C8orf34: variants seen among roughly 807,000 people sequenced by gnomAD.
C8orf34 encodes uncharacterized protein C8orf34.
In C8orf34, 65 loss-of-function variants were observed where a neutral mutation model predicts 68.3. The ratio of observed to expected loss-of-function variants is 0.95; its 90% CI spans 0.78 to 1.17. The LOEUF (loss-of-function observed/expected upper bound fraction) is 1.17. Ranked by LOEUF, C8orf34 falls within the 50% of genes most tolerant of loss-of-function variation. C8orf34 has a pLI of 0.00. For synonymous variants in C8orf34, 244 were observed against 241.2 expected, an observed-to-expected ratio of 1.01 and a Z score of -0.11; for missense variants, 664 against 655.4, an observed-to-expected ratio of 1.01 and a Z score of -0.14.
chr8:68,806,768 T>C (rs934986935), intron 12 of C8orf34, among the ~76,000 whole-genome samples: 1 of 152,224 alleles, frequency 6.6e-6, no homozygotes, highest in East Asian at 1.9e-4. Context: ...TTGTTTTGGT[T>C]CCTTTTCCAT....
At chr8:68,696,468 C>G (rs1228195431) in intron 8 of C8orf34, among the ~76,000 whole-genome samples, 1 of 151,216 alleles carries the variant, frequency 6.6e-6, no homozygotes, top group African/African-American at 2.4e-5. Context: ...TTAAACAACA[C>G]AGTACTGAGC....
intron 6 of C8orf34, among the ~76,000 whole-genome samples, chr8:68,526,686 C>CAAAA (rs370357862): frequency 0.46 from 61,293 of 132,452 alleles, 13,540 homozygotes; most frequent in Middle Eastern, 0.5. Context: ...TGACTGGAGT[C>CAAAA]AAAAAAAAAA....
intron 4 of C8orf34, among the ~76,000 whole-genome samples, chr8:68,484,022 GT>G (rs1306456497): frequency 6.6e-6 from 1 of 152,212 alleles, no homozygotes; most frequent in Non-Finnish European, 1.5e-5. Context: ...AAGAAAGGGG[GT>G]TTAATTGGCT....
chr8:68,458,639 T>C (rs1811651602), intron 3 of C8orf34, among the ~76,000 whole-genome samples: 1 of 152,166 alleles, frequency 6.6e-6, no homozygotes, highest in Non-Finnish European at 1.5e-5. Context: ...AAATATTGTT[T>C]TTTCCACTCC....
At chr8:68,783,604 A>G (rs1823757199) in intron 11 of C8orf34, among the ~76,000 whole-genome samples, 1 of 151,814 alleles carries the variant, frequency 6.6e-6, no homozygotes, top group Non-Finnish European at 1.5e-5. Context: ...AAAGAATGCA[A>G]CCTTTTGTCT....
chr8:68,466,738 C>CATATATATATATATGTAT (rs566438333), intron 3 of C8orf34, among the ~76,000 whole-genome samples: 29 of 120,628 alleles, frequency 2.4e-4, no homozygotes, highest in African/African-American at 1.1e-3. Flanking sequence ...CAACGTTGTA[C>CATATATATATATATGTAT]ATATATATAT....
chr8:68,498,633 T>C (rs1377766585), intron 5 of C8orf34, among the ~76,000 whole-genome samples: 2 of 152,190 alleles, frequency 1.3e-5, no homozygotes, highest in Non-Finnish European at 2.9e-5. Flanking sequence ...GAAGTAATTA[T>C]GTTGGTATCT....
intron 4 of C8orf34, 60 bp downstream of exon 4, chr8:68,468,880 C>T (rs908347430): frequency 1.3e-6 from 2 of 1,545,682 alleles, no homozygotes; most frequent in Non-Finnish European, 1.8e-6. Context: ...CCGAAGCATT[C>T]ATTACTTGTG....
intron 1 of C8orf34, among the ~76,000 whole-genome samples, chr8:68,339,168 A>G (rs1805971845): frequency 6.6e-6 from 1 of 152,008 alleles, no homozygotes; most frequent in African/African-American, 2.4e-5. Flanking sequence ...ATTTTGATTC[A>G]GATTGTGTTG....
At chr8:68,529,294 C>T (rs1815146472) in intron 6 of C8orf34, among the ~76,000 whole-genome samples, 1 of 152,170 alleles carries the variant, frequency 6.6e-6, no homozygotes, top group South Asian at 2.1e-4. Flanking sequence ...CCAAGTTACC[C>T]AGTGTCAGTC....
chr8:68,457,622 G>C (rs1240773139), intron 3 of C8orf34, among the ~76,000 whole-genome samples: 1 of 152,092 alleles, frequency 6.6e-6, no homozygotes, highest in Non-Finnish European at 1.5e-5. Flanking sequence ...CTATAATAAA[G>C]AATTGCTCAA....
chr8:68,649,839 G>A (rs1447416648), intron 8 of C8orf34, among the ~76,000 whole-genome samples: 4 of 151,798 alleles, frequency 2.6e-5, no homozygotes, highest in African/African-American at 4.8e-5. Flanking sequence ...ACTGTACAAC[G>A]TATGGAAAAA....
intron 5 of C8orf34, among the ~76,000 whole-genome samples, chr8:68,513,771 G>A (rs1814383879): frequency 6.6e-6 from 1 of 152,196 alleles, no homozygotes; most frequent in Non-Finnish European, 1.5e-5. Flanking sequence ...CCAGCCAGTT[G>A]GCTGTGTGGG....
intron 7 of C8orf34, among the ~76,000 whole-genome samples, chr8:68,554,946 A>G (rs901745045): frequency 1.3e-5 from 2 of 152,140 alleles, no homozygotes; most frequent in South Asian, 2.1e-4. Context: ...CCTCAGAGAC[A>G]TGCTCTCTAT....
At chr8:68,712,734 C>T (rs1821360649) in intron 9 of C8orf34, among the ~76,000 whole-genome samples, 1 of 152,002 alleles carries the variant, frequency 6.6e-6, no homozygotes, top group Non-Finnish European at 1.5e-5. Context: ...GATAGCAACA[C>T]AGTAATAGTG....
chr8:68,658,359 C>G (rs916362315), intron 8 of C8orf34, among the ~76,000 whole-genome samples: 3 of 152,042 alleles, frequency 2.0e-5, no homozygotes, highest in Non-Finnish European at 4.4e-5. Context: ...GAGGTTACTC[C>G]TTTGTTTTTT....
intron 12 of C8orf34, among the ~76,000 whole-genome samples, chr8:68,805,232 T>C (rs1327266586): frequency 6.6e-6 from 1 of 152,240 alleles, no homozygotes. Flanking sequence ...GAGACTTCCT[T>C]AATGATCCAG....
chr8:68,453,074 T>G (rs746067314), intron 3 of C8orf34, among the ~76,000 whole-genome samples: 6 of 151,996 alleles, frequency 3.9e-5, no homozygotes, highest in African/African-American at 7.2e-5. Context: ...CGATTAACCA[T>G]GAATACGAGG....
chr8:68,332,098 T>G (rs1385533512), intron 1 of C8orf34, among the ~76,000 whole-genome samples: 7 of 152,132 alleles, frequency 4.6e-5, no homozygotes. Context: ...TTGTTTTTTT[T>G]TCTCTCTCTC....
Sources: allele counts gnomAD v4.1 joint callset (sites outside exome capture counted in the v4.1 genomes callset), GRCh38; gene constraint gnomAD v4.1.1; transcripts MANE v1.5; gene names NCBI Gene and HGNC (gene_info 2026-07-23, HGNC 2026-07-21).